The following PLAUR variants were observed in gnomAD, a reference collection of about 807,000 sequenced individuals.
The protein encoded by PLAUR is plasminogen activator, urokinase receptor.
A neutral mutation model predicts 33.4 loss-of-function variants in PLAUR; 22 were observed. The ratio of observed to expected loss-of-function variants is 0.66; its 90% CI spans 0.47 to 0.94. The LOEUF (loss-of-function observed/expected upper bound fraction) is 0.94. Ranked by LOEUF, PLAUR falls within the 40% of genes least tolerant of loss-of-function variation. The probability of loss-of-function intolerance (pLI) is 0.00; values close to 1 mark genes in which losing one functional copy is unlikely to be tolerated. For missense variants in PLAUR, 408 were observed against 434.7 expected, an observed-to-expected ratio of 0.94 and a Z score of 0.55; for synonymous variants, 148 against 167.3, an observed-to-expected ratio of 0.88 and a Z score of 0.89.
chr19:43,662,748 T>C (rs1967059257), intron 3 of PLAUR, among the ~76,000 whole-genome samples: 1 of 149,818 alleles, frequency 6.7e-6, no homozygotes, highest in African/African-American at 2.5e-5. Context: ...AGGATCTCGC[T>C]CTGTCACCCA....
chr19:43,668,168 T>TA, intron 1 of PLAUR: 1 of 989,310 alleles, frequency 1.0e-6, no homozygotes, highest in Non-Finnish European at 1.2e-6. Context: ...ATCCCTCCAC[T>TA]CACTCCCCCT....
chr19:43,660,331 A>C (rs1966919132), intron 3 of PLAUR, among the ~76,000 whole-genome samples: 1 of 110,526 alleles, frequency 9.0e-6, no homozygotes, highest in African/African-American at 4.3e-5. Context: ...ATACCCGGCT[A>C]ATTTTTTTTT....
chr19:43,669,022 G>A (rs1016192631), intron 1 of PLAUR, among the ~76,000 whole-genome samples: 3 of 152,150 alleles, frequency 2.0e-5, no homozygotes, highest in Non-Finnish European at 2.9e-5. Flanking sequence ...CTTTCCAGCT[G>A]CGCGTTCGGA....
Position 43,665,988 on chromosome 19 carries a change from C to T in PLAUR, c.167-529G>A, listed in dbSNP as rs926435296. Among the ~76,000 whole-genome samples the T allele has an allele frequency of 2.0e-5, 3 of 152,032 alleles. No individual in the cohort carries two copies. In the East Asian group the frequency reaches 5.9e-4, roughly 30 times the overall value. Reference sequence around the variant, plus strand: ...TCCTGCTCTTGTAGTGACAGCACTACAACTGGGACTTTCTGGATCCATCTA... The same window carrying T: ...TCCTGCTCTTGTAGTGACAGCACTATAACTGGGACTTTCTGGATCCATCTA... On this transcript the variant is annotated intron_variant, in intron 2 of 6. Transcript: ENST00000340093.
At chr19:43,661,152 C>G (rs1246064779) in intron 3 of PLAUR, 1 of 152,204 alleles carries the variant, frequency 6.6e-6, no homozygotes, top group Non-Finnish European at 1.5e-5. Context: ...TGGGAACTCC[C>G]TTTTCTGTGG....
rs1473022432 is a variant in PLAUR at position 43,648,988 on chromosome 19, T to G, written c.910A>C (p.Ser304Arg). ...GGGCCAGGCTGAGGAGCAGCCCCAC[T>G]GCGGTACTGGACATCCAGGTCTGGG... ...NHPDLDVQYRSGAAPQPGPAH... is the reference protein window; with the variant it reads ...NHPDLDVQYRRGAAPQPGPAH... Residue 304 changes from serine (S) to arginine (R), a missense_variant, in exon 7 of 7, where the codon AGT becomes CGT. Transcript: ENST00000340093. The G allele has an allele frequency of 6.2e-7, 1 of 1,614,026 alleles. No homozygotes were observed.
intron 5 of PLAUR, 27 bp downstream of exon 5, chr19:43,655,412 G>A (rs1270035148): frequency 6.2e-7 from 1 of 1,612,282 alleles, no homozygotes; most frequent in Non-Finnish European, 8.5e-7. Flanking sequence ...CCGACCCCAG[G>A]CCTTGCCTGT....
intron 1 of PLAUR, chr19:43,667,893 G>T: frequency 2.1e-6 from 3 of 1,412,322 alleles, no homozygotes; most frequent in Non-Finnish European, 2.8e-6. Flanking sequence ...CTAACTGAAC[G>T]TTCTATCCCT....
At chr19:43,651,886 A>G (rs906979728) in intron 6 of PLAUR, 3 of 1,040,660 alleles carry the variant, frequency 2.9e-6, no homozygotes, top group Non-Finnish European at 3.5e-6. Flanking sequence ...AAAGAATTCC[A>G]TTTTTCTTTT....
Position 43,656,464 on chromosome 19 carries a change from C to A in PLAUR, c.472+15G>T. The A allele has an allele frequency of 6.4e-7, 1 of 1,561,464 alleles. No homozygotes were observed. The highest frequency in any genetic ancestry group is 8.7e-7 in the Non-Finnish European group (1 of 1,150,208). ...CAGAGCAGGGAGGAGGAGTTGCCAG[C>A]AGGTTGGGGCTCACCTTCTTCACCT... On this transcript the variant is annotated intron_variant, in intron 4 of 6. Coordinates refer to ENST00000340093, the MANE Select transcript of PLAUR (RefSeq NM_002659.4).
At chr19:43,656,335 C>T (rs993019838) in intron 4 of PLAUR, 144 bp downstream of exon 4, 1 of 631,916 alleles carries the variant, frequency 1.6e-6, no homozygotes, top group Admixed American at 2.9e-5. Flanking sequence ...CCTTGTGGCC[C>T]TGGACTTCCT....
chr19:43,657,120 T>C (rs1481628592), intron 3 of PLAUR, among the ~76,000 whole-genome samples: 1 of 151,976 alleles, frequency 6.6e-6, no homozygotes, highest in African/African-American at 2.4e-5. Context: ...ATTTTTGTAT[T>C]TTTAGTAGAG....
intron 3 of PLAUR, among the ~76,000 whole-genome samples, chr19:43,663,107 G>A (rs2146266404): frequency 6.6e-6 from 1 of 152,144 alleles, no homozygotes; most frequent in South Asian, 2.1e-4. Context: ...GGGTCCCACA[G>A]CTCCTACTCT....
chr19:43,662,962 A>G (rs1026555743), intron 3 of PLAUR, among the ~76,000 whole-genome samples: 3 of 152,126 alleles, frequency 2.0e-5, no homozygotes, highest in Non-Finnish European at 2.9e-5. Flanking sequence ...AAGTGTTGGG[A>G]TTACAGGCGT....
Position 43,665,433 on chromosome 19 carries a change from T to C in PLAUR, c.193A>G (p.Lys65Glu). The change falls in exon 3 of 7, where the codon AAA becomes GAA. Residue 65 changes from lysine to glutamate, a missense_variant. Transcript: ENST00000340093. Reference sequence around the variant, plus strand: ...GTCTTCTCTGAGTGGGTACAGCTTTTCTCCACCAGCTCCAGCTCTTCTCCT... The same window carrying C: ...GTCTTCTCTGAGTGGGTACAGCTTTCCTCCACCAGCTCCAGCTCTTCTCCT... ...EEGEELELVE[K>E]SCTHSEKTNR... 4 of 1,613,134 alleles carry C rather than the reference T, an allele frequency of 2.5e-6. No individual in the cohort carries two copies. The highest frequency in any genetic ancestry group is 2.2e-5 in the South Asian group (2 of 91,032).
intron 1 of PLAUR, chr19:43,667,984 T>C: frequency 8.0e-7 from 1 of 1,245,498 alleles, no homozygotes; most frequent in Non-Finnish European, 1.0e-6. Context: ...ATCCTGACAG[T>C]CGTATCCCCG....
chr19:43,649,952 G>A (rs1973924839), intron 6 of PLAUR, among the ~76,000 whole-genome samples: 1 of 151,326 alleles, frequency 6.6e-6, no homozygotes, highest in South Asian at 2.1e-4. Flanking sequence ...CTTCTATTAA[G>A]CTGGACATTA....
chr19:43,665,523 C>G (rs1967194720), intron 2 of PLAUR, 64 bp from the exon 3 acceptor site: 1 of 1,566,350 alleles, frequency 6.4e-7, no homozygotes, highest in Non-Finnish European at 8.8e-7. Flanking sequence ...TCTGACACTC[C>G]TGGTCTCAAG....
At chr19:43,662,827 G>A (rs550978116) in intron 3 of PLAUR, among the ~76,000 whole-genome samples, 11 of 151,718 alleles carry the variant, frequency 7.3e-5, no homozygotes, top group South Asian at 2.1e-4. Context: ...TGATCCTCCC[G>A]CCTCAACCTC....
Sources: gnomAD v4.1 joint callset for allele counts (sites outside exome capture counted in the v4.1 genomes callset) on GRCh38, gnomAD v4.1.1 for gene constraint, MANE v1.5 for transcripts, NCBI Gene and HGNC (gene_info 2026-07-23, HGNC 2026-07-21) for gene names.